Variants in RBFOX1 observed in about 807,000 individuals in gnomAD.
RBFOX1 encodes the protein RNA binding protein fox-1 homolog 1.
A neutral mutation model predicts 57.7 loss-of-function variants in RBFOX1; 8 were observed. The ratio of observed to expected loss-of-function variants is 0.14; its 90% CI spans 0.08 to 0.25. The LOEUF (loss-of-function observed/expected upper bound fraction) is 0.25. RBFOX1 is among the 10% of genes least tolerant of loss of function. The pLI, the probability that RBFOX1 is intolerant of heterozygous loss-of-function variation, is 1.00. For missense variants in RBFOX1, 611 were observed against 548.5 expected (o/e 1.11, Z -1.14); for synonymous variants, 326 against 222.4 (o/e 1.47, Z -4.15).
intron 3 of RBFOX1, among the ~76,000 whole-genome samples, chr16:7,023,855 C>T (rs1485752485): frequency 6.6e-6 from 1 of 152,082 alleles, no homozygotes; most frequent in Non-Finnish European, 1.5e-5. Context: ...TATTCATCAT[C>T]CCTATATATA....
intron 5 of RBFOX1, among the ~76,000 whole-genome samples, chr16:7,549,225 T>G (rs1404706723): frequency 6.6e-6 from 1 of 152,194 alleles, no homozygotes; most frequent in African/African-American, 2.4e-5. Context: ...TCCCAATGCC[T>G]ATGACTTCAC....
chr16:7,653,798 CTCCTCTT>C lies in RBFOX1; in HGVS notation c.758-16_758-10del. On this transcript the variant is annotated splice_polypyrimidine_tract_variant and intron_variant, in intron 11 of 15. Coordinates refer to ENST00000550418, the MANE Select transcript of RBFOX1 (RefSeq NM_018723.4). ...GACAGCCTGTGCTCTCTCTCTCTCT[CTCCTCTT>C]GCCCCGCAGTGCCAGGCTTCCCGTA... 6.2e-7 allele frequency: 1 copy of C among 1,607,818 alleles called. No individual in the cohort carries two copies. Among genetic ancestry groups the C allele is most frequent in the Non-Finnish European group, 8.5e-7 (1 of 1,179,494 alleles).
At chr16:6,443,736 C>T (rs1437949588) in intron 2 of RBFOX1, among the ~76,000 whole-genome samples, 2 of 152,098 alleles carry the variant, frequency 1.3e-5, no homozygotes, top group African/African-American at 2.4e-5. Flanking sequence ...TTCATCCAGC[C>T]ATCTTTCCAT....
intron 3 of RBFOX1, among the ~76,000 whole-genome samples, chr16:6,951,150 T>C (rs2080672367): frequency 6.6e-6 from 1 of 152,152 alleles, no homozygotes; most frequent in African/African-American, 2.4e-5. Flanking sequence ...CAACAAATCC[T>C]CCAGCATCAG....
At chr16:5,580,935 G>A (rs17186404) in intron 2 of RBFOX1, among the ~76,000 whole-genome samples, 1,662 of 152,318 alleles carry the variant, frequency 0.011, 13 homozygotes, top group Non-Finnish European at 0.018. Flanking sequence ...TGATGAGGAC[G>A]TGACAGGCTA....
chr16:5,446,931 C>T (rs942053093), intron 1 of RBFOX1, among the ~76,000 whole-genome samples: 1 of 152,108 alleles, frequency 6.6e-6, no homozygotes, highest in Admixed American at 6.6e-5. Flanking sequence ...TCCTCATCTG[C>T]AACATGGATT....
intron 4 of RBFOX1, among the ~76,000 whole-genome samples, chr16:7,291,502 C>A (rs1043137807): frequency 6.6e-6 from 1 of 152,028 alleles, no homozygotes; most frequent in East Asian, 1.9e-4. Context: ...AATTTGGGAA[C>A]CAATTGACTA....
At chr16:5,461,884 A>G (rs2068798138) in intron 1 of RBFOX1, among the ~76,000 whole-genome samples, 2 of 152,178 alleles carry the variant, frequency 1.3e-5, no homozygotes, top group Admixed American at 1.3e-4. Flanking sequence ...GAGCTCATAG[A>G]GTCTAAAGAG....
intron 4 of RBFOX1, among the ~76,000 whole-genome samples, chr16:7,361,926 G>C (rs1237076229): frequency 1.3e-5 from 2 of 150,950 alleles, no homozygotes; most frequent in Non-Finnish European, 2.9e-5. Context: ...GCATATGTGT[G>C]TTAGTGTGTA....
chr16:5,878,118 C>T (rs1049309323), intron 4 of RBFOX1, among the ~76,000 whole-genome samples: 7 of 152,008 alleles, frequency 4.6e-5, no homozygotes, highest in East Asian at 3.9e-4. Context: ...TGCTTTGGAT[C>T]GACTGTGTGT....
intron 1 of RBFOX1, among the ~76,000 whole-genome samples, chr16:6,036,377 T>C (rs1438318418): frequency 6.6e-6 from 1 of 151,876 alleles, no homozygotes; most frequent in East Asian, 2.0e-4. Context: ...GAACCATCCA[T>C]TCTAGCATAA....
chr16:7,021,877 CTCTCTCTT>C (rs1280026298), intron 3 of RBFOX1, among the ~76,000 whole-genome samples: 1 of 150,358 alleles, frequency 6.7e-6, no homozygotes, highest in East Asian at 2.0e-4. Context: ...AACCTTCTTT[CTCTCTCTT>C]TCTTTCTTTC....
intron 3 of RBFOX1, among the ~76,000 whole-genome samples, chr16:5,721,024 A>G (rs753905478): frequency 6.6e-6 from 1 of 152,016 alleles, no homozygotes; most frequent in Non-Finnish European, 1.5e-5. Flanking sequence ...TTTGAGAGGT[A>G]TTTTCATTTT....
At chr16:6,950,296 G>C (rs1044685020) in intron 3 of RBFOX1, among the ~76,000 whole-genome samples, 2 of 151,796 alleles carry the variant, frequency 1.3e-5, no homozygotes, top group African/African-American at 4.8e-5. Flanking sequence ...GCTCCCCTCT[G>C]CATCTCACAG....
chr16:5,919,634 A>G (rs1049460834), intron 4 of RBFOX1, among the ~76,000 whole-genome samples: 1 of 152,124 alleles, frequency 6.6e-6, no homozygotes, highest in Non-Finnish European at 1.5e-5. Context: ...ATTTTATATA[A>G]TATAAAGTTA....
intron 3 of RBFOX1, among the ~76,000 whole-genome samples, chr16:5,790,364 T>C (rs11865092): frequency 0.3 from 46,306 of 151,838 alleles, 7,428 homozygotes; most frequent in East Asian, 0.54. Context: ...TTGTCCAAGG[T>C]GCAGAGACCG....
chr16:6,151,012 T>C, intron 1 of RBFOX1, among the ~76,000 whole-genome samples: 1 of 152,176 alleles, frequency 6.6e-6, no homozygotes, highest in East Asian at 1.9e-4. Flanking sequence ...TCCTTCTTCC[T>C]TACAGATTCA....
intron 2 of RBFOX1, among the ~76,000 whole-genome samples, chr16:6,629,367 G>A (rs889872256): frequency 6.6e-6 from 1 of 152,194 alleles, no homozygotes; most frequent in Non-Finnish European, 1.5e-5. Flanking sequence ...TTTAATTGAG[G>A]ATGTTTAACG....
At chr16:6,715,545 C>A (rs2064629786) in intron 3 of RBFOX1, among the ~76,000 whole-genome samples, 1 of 152,132 alleles carries the variant, frequency 6.6e-6, no homozygotes, top group African/African-American at 2.4e-5. Context: ...TTTATTGCCT[C>A]CATCGCTGAA....
Sources: gnomAD v4.1 joint callset for allele counts (sites outside exome capture counted in the v4.1 genomes callset) on GRCh38, gnomAD v4.1.1 for gene constraint, MANE v1.5 for transcripts, NCBI Gene and HGNC (gene_info 2026-07-23, HGNC 2026-07-21) for gene names.